Variants in SIRPB2 observed in about 807,000 individuals in gnomAD.
SIRPB2 encodes signal-regulatory protein beta-2.
Under a neutral mutation model 27.1 loss-of-function variants are expected in SIRPB2, and 18 were observed. That is an observed-to-expected ratio of 0.66 (90% confidence interval 0.46 to 0.98). SIRPB2 has a LOEUF of 0.98. Ranked by LOEUF, SIRPB2 falls within the 50% of genes least tolerant of loss-of-function variation. The probability of loss-of-function intolerance (pLI) is 0.00; values close to 1 mark genes in which losing one functional copy is unlikely to be tolerated. For missense variants in SIRPB2, 420 were observed against 417.4 expected (o/e 1.01, Z -0.06); for synonymous variants, 150 against 164.6 (o/e 0.91, Z 0.68).
chr20:1,472,248 C>G (rs944756497), downstream of SIRPB2, among the ~76,000 whole-genome samples: 2 of 152,194 alleles, frequency 1.3e-5, no homozygotes, highest in Non-Finnish European at 2.9e-5. Flanking sequence ...CATCCATTCC[C>G]CACCCTTTCT....
chr20:1,481,904 C>T (rs2090674887), intron 1 of SIRPB2, among the ~76,000 whole-genome samples: 1 of 152,134 alleles, frequency 6.6e-6, no homozygotes, highest in Non-Finnish European at 1.5e-5. Flanking sequence ...CAGGACTGTG[C>T]CCATCACTCA....
At chr20:1,491,138 C>T in intron 1 of SIRPB2, 137 bp downstream of exon 1, 1 of 707,212 alleles carries the variant, frequency 1.4e-6, no homozygotes, top group Non-Finnish European at 2.2e-6. Flanking sequence ...CTGCCGGAGT[C>T]AGGCAAATTT....
chr20:1,482,699 A>G (rs8119718), intron 1 of SIRPB2, among the ~76,000 whole-genome samples: 1,587 of 150,826 alleles, frequency 0.011, 36 homozygotes, highest in African/African-American at 0.037. Flanking sequence ...TCCTGAGTAC[A>G]GCTTACTTCA....
At chr20:1,485,672 C>CAGAG (rs1568649609) in intron 1 of SIRPB2, among the ~76,000 whole-genome samples, 3 of 151,086 alleles carry the variant, frequency 2.0e-5, no homozygotes, top group African/African-American at 7.3e-5. Context: ...CACACACACA[C>CAGAG]AGAAAAAATC....
intron 1 of SIRPB2, among the ~76,000 whole-genome samples, chr20:1,486,071 CTTTTCTT>C (rs1026348182): frequency 7.1e-6 from 1 of 141,810 alleles, no homozygotes; most frequent in Non-Finnish European, 1.5e-5. Flanking sequence ...CTTTTCTTTT[CTTTTCTT>C]TTTTTTTTTT....
chr20:1,482,466 C>T (rs1013544121), intron 1 of SIRPB2, among the ~76,000 whole-genome samples: 4 of 152,064 alleles, frequency 2.6e-5, no homozygotes, highest in Admixed American at 2.6e-4. Context: ...TTTTTAGCAC[C>T]TGCATAGTTG....
chr20:1,474,849 C>CAT lies in SIRPB2; in HGVS notation c.*1316_*1317dup, dbSNP rs1185972034. 6.6e-6 allele frequency: 1 copy of CAT among 152,312 alleles called. No individual in the cohort carries two copies. The highest frequency in any genetic ancestry group is 1.5e-5 in the Non-Finnish European group (1 of 68,118). The allele number at this position is 152,312 out of a possible 1,614,324, so 9.4% of individuals were successfully genotyped here. A position where few individuals can be genotyped will look rare whatever the true frequency, so the allele number is the denominator to read the frequency against. ...TCGGCCTCCCAAAGTGCTGGGATTA[C>CAT]ATGCATAAGCCACCGTGCCTGGTCT... On this transcript the variant is annotated 3_prime_UTR_variant, in exon 5 of 5. Coordinates refer to ENST00000359801, the MANE Select transcript of SIRPB2 (RefSeq NM_001122962.2).
At chr20:1,473,731 G>A (rs2090589530), downstream of SIRPB2, 1 of 415,918 alleles carries the variant, frequency 2.4e-6, no homozygotes, top group East Asian at 7.2e-5. Flanking sequence ...GGGGGTGGCA[G>A]GGACCAGCTC....
At chr20:1,490,269 C>T (rs930520391) in intron 1 of SIRPB2, among the ~76,000 whole-genome samples, 2 of 152,132 alleles carry the variant, frequency 1.3e-5, no homozygotes, top group Admixed American at 6.5e-5. Context: ...AGTAAGGGAG[C>T]ACCTAGGTCC....
At position 1,476,230 on chromosome 20, in the gene SIRPB2, ATCT is replaced by A. The variant is rs768829242; in HGVS notation, c.963_965del (p.Glu321del). On this transcript the variant is annotated inframe_deletion, in exon 5 of 5. Coordinates refer to ENST00000359801, the MANE Select transcript of SIRPB2 (RefSeq NM_001122962.2). Reference sequence around the variant, plus strand: ...CTCCTGCTGGGCCTGTGGTCTTGACATCTTCTTGCCCAGGGCTCCTCCGAGAGG... The same window carrying A: ...CTCCTGCTGGGCCTGTGGTCTTGACATCTTGCCCAGGGCTCCTCCGAGAGG... 11 of 1,613,918 alleles carry A rather than the reference ATCT, an allele frequency of 6.8e-6. No individual in the cohort carries two copies. The highest frequency in any genetic ancestry group is 1.7e-5 in the Admixed American group (1 of 59,986).
Position 1,475,976 on chromosome 20 carries a change from G to T in SIRPB2, c.*191C>A. 1.7e-6 allele frequency: 1 copy of T among 604,512 alleles called. No homozygotes were observed. The highest frequency in any genetic ancestry group is 3.2e-5 in the Admixed American group (1 of 31,238). The allele number at this position is 604,512 out of a possible 1,614,324, so 37.4% of individuals were successfully genotyped here. ...GTCTTGAACAGGCCAAAAAGAGAAA[G>T]GGAGACATTTTAGAGGGAAGCCCGG... On this transcript the variant is annotated 3_prime_UTR_variant, in exon 5 of 5. Coordinates refer to ENST00000359801, the MANE Select transcript of SIRPB2 (RefSeq NM_001122962.2).
intron 1 of SIRPB2, among the ~76,000 whole-genome samples, chr20:1,486,964 A>G (rs2090733169): frequency 6.6e-6 from 1 of 152,196 alleles, no homozygotes; most frequent in Admixed American, 6.5e-5. Context: ...TCAATTTTGT[A>G]GGATAGGTAC....
chr20:1,488,145 A>G (rs2123056127), intron 1 of SIRPB2, among the ~76,000 whole-genome samples: 1 of 152,342 alleles, frequency 6.6e-6, no homozygotes, highest in East Asian at 1.9e-4. Context: ...GTAAAAGAAT[A>G]AAAAGACAAG....
chr20:1,480,916 G>A (rs1011967698), intron 1 of SIRPB2, among the ~76,000 whole-genome samples: 6 of 152,100 alleles, frequency 3.9e-5, no homozygotes, highest in Non-Finnish European at 5.9e-5. Flanking sequence ...TGTGTGTTGC[G>A]GGGTTCAGTG....
At chr20:1,470,762 A>G (rs1364896398), downstream of SIRPB2, 1 of 152,176 alleles carries the variant, frequency 6.6e-6, no homozygotes, top group Non-Finnish European at 1.5e-5. Flanking sequence ...TTTAAATGCT[A>G]ATGAGACAGG....
chr20:1,484,610 C>T (rs2090707305), intron 1 of SIRPB2, among the ~76,000 whole-genome samples: 1 of 151,736 alleles, frequency 6.6e-6, no homozygotes, highest in Non-Finnish European at 1.5e-5. Context: ...CTCAACATTA[C>T]TAATCATCGG....
At chr20:1,476,958 AGG>A (rs111502658) in intron 4 of SIRPB2, 2 of 1,201,836 alleles carry the variant, frequency 1.7e-6, no homozygotes, top group African/African-American at 1.6e-5. Flanking sequence ...ACCAGACTCA[AGG>A]GGCGAGAACC....
rs772978078 is a variant in SIRPB2 at position 1,478,005 on chromosome 20, G to T, written c.793+261C>A. The T allele has an allele frequency of 1.1e-5, 7 of 614,418 alleles. No individual in the cohort carries two copies. In the African/African-American group the frequency reaches 1.3e-4, roughly 11 times the overall value. 38.1% of individuals were successfully genotyped at this position (614,418 alleles called of 1,614,324 possible). On this transcript the variant is annotated intron_variant, in intron 3 of 4. Coordinates refer to ENST00000359801, the MANE Select transcript of SIRPB2 (RefSeq NM_001122962.2). ...TGTTGAATTATTAATGATCTATACA[G>T]AGTTCTGTGGAAACCAGAATGGGGA...
intron 1 of SIRPB2, among the ~76,000 whole-genome samples, chr20:1,482,689 T>C (rs1490659513): frequency 2.0e-5 from 3 of 149,514 alleles, no homozygotes; most frequent in African/African-American, 4.9e-5. Context: ...CACCTCAGCC[T>C]CCTGAGTACA....
Sources: gnomAD v4.1 joint callset for allele counts (sites outside exome capture counted in the v4.1 genomes callset) on GRCh38, gnomAD v4.1.1 for gene constraint, MANE v1.5 for transcripts, NCBI Gene and HGNC (gene_info 2026-07-23, HGNC 2026-07-21) for gene names.